SMOC2: variants seen among roughly 807,000 people sequenced by gnomAD.
SMOC2 encodes the protein SPARC related modular calcium binding 2.
SMOC2 carries 39 observed loss-of-function variants against 61.4 expected under a neutral mutation model. The ratio of observed to expected loss-of-function variants is 0.64; its 90% CI spans 0.49 to 0.83. The LOEUF (loss-of-function observed/expected upper bound fraction) is 0.83. Ranked by LOEUF, SMOC2 falls within the 40% of genes least tolerant of loss-of-function variation. The pLI is 0.00. For synonymous variants in SMOC2, 247 were observed against 239.9 expected (o/e 1.03, Z -0.27); for missense variants, 556 against 592.9 (o/e 0.94, Z 0.65).
At chr6:168,638,948 G>A (rs560269228) in intron 9 of SMOC2, among the ~76,000 whole-genome samples, 2 of 152,296 alleles carry the variant, frequency 1.3e-5, no homozygotes, top group Non-Finnish European at 2.9e-5. Context: ...CATGAGCCCC[G>A]AGAGGAGAAA....
At chr6:168,584,165 TGA>T (rs1235052886) in intron 7 of SMOC2, among the ~76,000 whole-genome samples, 1 of 152,120 alleles carries the variant, frequency 6.6e-6, no homozygotes, top group Non-Finnish European at 1.5e-5. Context: ...GAAGCTGAGA[TGA>T]GAGAGAGAAC....
intron 1 of SMOC2, among the ~76,000 whole-genome samples, chr6:168,473,141 C>T (rs978830293): frequency 2.0e-5 from 3 of 152,138 alleles, no homozygotes; most frequent in African/African-American, 7.2e-5. Context: ...GGATGCTGCC[C>T]CAGGGCAGAA....
At chr6:168,604,237 C>T (rs1785630019) in intron 8 of SMOC2, among the ~76,000 whole-genome samples, 1 of 152,168 alleles carries the variant, frequency 6.6e-6, no homozygotes, top group Admixed American at 6.5e-5. Flanking sequence ...TTCTTTGGAG[C>T]CAAAAATCCC....
chr6:168,469,646 A>G (rs1273547307), intron 1 of SMOC2, among the ~76,000 whole-genome samples: 1 of 152,218 alleles, frequency 6.6e-6, no homozygotes, highest in African/African-American at 2.4e-5. Context: ...CTCCACCAGC[A>G]GAGCTGCTCG....
intron 1 of SMOC2, among the ~76,000 whole-genome samples, chr6:168,484,288 A>T (rs1426431453): frequency 6.6e-6 from 1 of 152,014 alleles, no homozygotes; most frequent in African/African-American, 2.4e-5. Flanking sequence ...TTGAATGGAC[A>T]TTTTTTTTAA....
At chr6:168,567,915 G>C (rs9456195) in intron 7 of SMOC2, among the ~76,000 whole-genome samples, 1 of 147,952 alleles carries the variant, frequency 6.8e-6, no homozygotes, top group Non-Finnish European at 1.5e-5. Flanking sequence ...AAGACCGGAT[G>C]GTGTGAGTCG....
intron 7 of SMOC2, among the ~76,000 whole-genome samples, chr6:168,576,273 A>G (rs930070219): frequency 1.3e-5 from 2 of 152,174 alleles, no homozygotes; most frequent in East Asian, 1.9e-4. Flanking sequence ...CACTTTTTTG[A>G]TATAAAAATT....
chr6:168,543,985 C>T (rs577239794), intron 5 of SMOC2, among the ~76,000 whole-genome samples: 1 of 152,236 alleles, frequency 6.6e-6, no homozygotes, highest in South Asian at 2.1e-4. Context: ...AGTATTTTGG[C>T]TCCCTGTGGG....
At chr6:168,548,062 G>C (rs375510089) in intron 6 of SMOC2, among the ~76,000 whole-genome samples, 1 of 152,158 alleles carries the variant, frequency 6.6e-6, no homozygotes, top group Non-Finnish European at 1.5e-5. Flanking sequence ...CGGGGTTTAA[G>C]GGCAAAGTGT....
chr6:168,655,981 C>T (rs1021940006), intron 11 of SMOC2, among the ~76,000 whole-genome samples: 1 of 150,306 alleles, frequency 6.7e-6, no homozygotes, highest in African/African-American at 2.5e-5. Context: ...CCACTGTACA[C>T]GTGTACTGGA....
intron 8 of SMOC2, among the ~76,000 whole-genome samples, chr6:168,600,713 G>A (rs760193516): frequency 6.6e-6 from 1 of 152,190 alleles, no homozygotes; most frequent in African/African-American, 2.4e-5. Flanking sequence ...TGAAAGAACC[G>A]ATTGTCCAAG....
At chr6:168,522,363 A>G (rs1439327615) in intron 2 of SMOC2, among the ~76,000 whole-genome samples, 1 of 152,220 alleles carries the variant, frequency 6.6e-6, no homozygotes, top group African/African-American at 2.4e-5. Flanking sequence ...TACCCAAAAG[A>G]CTTGAAAACA....
intron 8 of SMOC2, among the ~76,000 whole-genome samples, chr6:168,606,482 A>G (rs1280220136): frequency 6.6e-6 from 1 of 152,168 alleles, no homozygotes; most frequent in Non-Finnish European, 1.5e-5. Context: ...CTCTTATGAC[A>G]GCTGGATGGG....
At chr6:168,620,972 C>T (rs150295057) in intron 9 of SMOC2, among the ~76,000 whole-genome samples, 1 of 149,898 alleles carries the variant, frequency 6.7e-6, no homozygotes, top group East Asian at 1.9e-4. Flanking sequence ...GGATGACCAA[C>T]CAAGGTCGAA....
At chr6:168,642,861 C>T (rs575675630) in intron 9 of SMOC2, among the ~76,000 whole-genome samples, 1 of 152,280 alleles carries the variant, frequency 6.6e-6, no homozygotes, top group African/African-American at 2.4e-5. Context: ...CATGTAATGA[C>T]AGGCGTCAAA....
rs534418167 is a variant in SMOC2 at position 168,641,264 on chromosome 6, C to G, written c.908-9417C>G. 1.7e-3 allele frequency among the ~76,000 whole-genome samples: 259 copies of G among 152,224 alleles called. 1 individual carries two copies. The highest frequency in any genetic ancestry group is 3.4e-4 in the Non-Finnish European group (23 of 68,012). ...TCCCCGGATGGCAGAGGACATCAGCCTGATCTCCCCTCAAATGCTAGATCC... is the reference window on the plus strand; with the variant it reads ...TCCCCGGATGGCAGAGGACATCAGCGTGATCTCCCCTCAAATGCTAGATCC... On this transcript the variant is annotated intron_variant, in intron 9 of 12. Coordinates refer to ENST00000356284, the MANE Select transcript of SMOC2 (RefSeq NM_001166412.2).
chr6:168,570,570 A>G (rs991477014), intron 7 of SMOC2, among the ~76,000 whole-genome samples: 1 of 152,202 alleles, frequency 6.6e-6, no homozygotes, highest in Non-Finnish European at 1.5e-5. Context: ...AGTGTTGTCC[A>G]TCTTTGAAAG....
Position 168,637,589 on chromosome 6 carries a change from T to A in SMOC2, c.908-13092T>A, listed in dbSNP as rs147277762. On this transcript the variant is annotated intron_variant, in intron 9 of 12. Coordinates refer to ENST00000356284, the MANE Select transcript of SMOC2 (RefSeq NM_001166412.2). ...AAGCATACAGCTGAGCTGCCGAATG[T>A]TTGCGTTTTCCTTTGCGAGGAACAT... Among the ~76,000 whole-genome samples, 15 of 152,278 alleles carry A rather than the reference T, an allele frequency of 9.9e-5. No individual in the cohort carries two copies. In the East Asian group the frequency reaches 2.5e-3, roughly 25 times the overall value.
intron 2 of SMOC2, among the ~76,000 whole-genome samples, chr6:168,516,065 C>T (rs1304050442): frequency 6.6e-6 from 1 of 152,116 alleles, no homozygotes; most frequent in East Asian, 1.9e-4. Context: ...GGCATTTTTA[C>T]ATTTTTGGTG....
Sources: allele counts gnomAD v4.1 joint callset (sites outside exome capture counted in the v4.1 genomes callset), GRCh38; gene constraint gnomAD v4.1.1; transcripts MANE v1.5; gene names NCBI Gene and HGNC (gene_info 2026-07-23, HGNC 2026-07-21).